Variants in GRID2 observed in about 807,000 individuals in gnomAD.
The protein encoded by GRID2 is glutamate receptor ionotropic, delta-2.
A neutral mutation model predicts 114.8 loss-of-function variants in GRID2; 33 were observed. That is an observed-to-expected ratio of 0.29 (90% CI 0.22 to 0.38). The LOEUF is 0.38. Ranked by LOEUF, GRID2 falls within the 10% of genes least tolerant of loss-of-function variation. The probability of loss-of-function intolerance (pLI) is 1.00; values close to 1 mark genes in which losing one functional copy is unlikely to be tolerated. For synonymous variants in GRID2, 505 were observed against 449.9 expected (o/e 1.12, Z -1.55); for missense variants, 1,184 against 1,257.7 (o/e 0.94, Z 0.89).
intron 10 of GRID2, among the ~76,000 whole-genome samples, chr4:93,436,549 G>A (rs1721103799): frequency 1.3e-5 from 2 of 152,012 alleles, no homozygotes; most frequent in African/African-American, 2.4e-5. Flanking sequence ...AGAGGAAGGG[G>A]AAGTAGATAC....
chr4:92,794,512 C>T (rs528943259), intron 2 of GRID2, among the ~76,000 whole-genome samples: 2 of 151,914 alleles, frequency 1.3e-5, no homozygotes, highest in East Asian at 2.0e-4. Flanking sequence ...CATGGTTTCT[C>T]ACTTAAAATC....
intron 1 of GRID2, among the ~76,000 whole-genome samples, chr4:92,305,473 G>A (rs576657650): frequency 8.4e-4 from 128 of 152,286 alleles, no homozygotes; most frequent in African/African-American, 3.0e-3. Context: ...ACGCGGGGAA[G>A]CGAATGCGCG....
chr4:93,503,874 A>G (rs1301719669), intron 12 of GRID2, among the ~76,000 whole-genome samples: 1 of 152,092 alleles, frequency 6.6e-6, no homozygotes, highest in African/African-American at 2.4e-5. Flanking sequence ...GACCTACTGG[A>G]CTGAGAAGAG....
At chr4:93,748,981 C>T (rs1732083888) in intron 14 of GRID2, among the ~76,000 whole-genome samples, 1 of 150,682 alleles carries the variant, frequency 6.6e-6, no homozygotes, top group African/African-American at 2.4e-5. Flanking sequence ...TATTCTTCCA[C>T]TACAGTCACA....
At chr4:92,416,225 G>T (rs1731611712) in intron 1 of GRID2, among the ~76,000 whole-genome samples, 1 of 152,030 alleles carries the variant, frequency 6.6e-6, no homozygotes. Flanking sequence ...ATCTGCTCAT[G>T]TCATTTTCCC....
intron 1 of GRID2, among the ~76,000 whole-genome samples, chr4:92,456,149 G>C (rs1721202198): frequency 7.0e-6 from 1 of 143,576 alleles, no homozygotes; most frequent in African/African-American, 2.7e-5. Flanking sequence ...AACTTTTTTG[G>C]CAGCTTTCCC....
chr4:93,601,776 G>A (rs1739708506), intron 13 of GRID2, among the ~76,000 whole-genome samples: 2 of 151,688 alleles, frequency 1.3e-5, no homozygotes, highest in Admixed American at 6.6e-5. Flanking sequence ...TTTCCACATT[G>A]ATGAGAAAAA....
At chr4:93,327,165 A>G (rs1560503103) in intron 8 of GRID2, among the ~76,000 whole-genome samples, 5 of 152,156 alleles carry the variant, frequency 3.3e-5, no homozygotes, top group Non-Finnish European at 7.4e-5. Context: ...TCATCTTTAT[A>G]TGCTGGTGAC....
intron 2 of GRID2, among the ~76,000 whole-genome samples, chr4:92,610,143 G>A (rs1729648912): frequency 2.0e-5 from 3 of 151,542 alleles, no homozygotes. Context: ...CAACTTCCAA[G>A]TCATTCCAAC....
intron 10 of GRID2, among the ~76,000 whole-genome samples, chr4:93,448,831 C>T: frequency 6.3e-5 from 1 of 15,894 alleles, no homozygotes; most frequent in Non-Finnish European, 1.2e-4. Flanking sequence ...CTTCCCTTCC[C>T]TTCCCTTCCC....
chr4:93,553,771 C>T (rs1039857348), intron 13 of GRID2, among the ~76,000 whole-genome samples: 3 of 152,072 alleles, frequency 2.0e-5, no homozygotes, highest in Non-Finnish European at 2.9e-5. Flanking sequence ...AAAAGAAAAT[C>T]GGAAATTAGT....
At chr4:93,291,515 G>A (rs1025262739) in intron 8 of GRID2, among the ~76,000 whole-genome samples, 3 of 151,382 alleles carry the variant, frequency 2.0e-5, no homozygotes, top group Admixed American at 2.0e-4. Flanking sequence ...TCCAAAACTA[G>A]GTTCAAAAAG....
At chr4:93,750,128 G>C (rs920633905) in intron 14 of GRID2, among the ~76,000 whole-genome samples, 9 of 152,188 alleles carry the variant, frequency 5.9e-5, no homozygotes, top group African/African-American at 2.2e-4. Flanking sequence ...TGGTGCTACA[G>C]AACACACAAA....
At chr4:92,800,660 A>G (rs1740107403) in intron 2 of GRID2, among the ~76,000 whole-genome samples, 1 of 152,010 alleles carries the variant, frequency 6.6e-6, no homozygotes, top group Non-Finnish European at 1.5e-5. Flanking sequence ...AGTGTAAAGC[A>G]TAATAGGACG....
chr4:92,750,186 G>T (rs924387033), intron 2 of GRID2, among the ~76,000 whole-genome samples: 6 of 152,070 alleles, frequency 3.9e-5, no homozygotes, highest in Admixed American at 3.9e-4. Context: ...CTAACACTTT[G>T]CACCAACCAA....
rs549204339 is a variant in GRID2 at position 93,120,200 on chromosome 4, A to G, written c.735+9247A>G. Among the ~76,000 whole-genome samples the G allele has an allele frequency of 5.8e-4, 89 of 152,276 alleles. 1 individual carries two copies. The highest frequency in any genetic ancestry group is 1.9e-3 in the African/African-American group (79 of 41,558). On this transcript the variant is annotated intron_variant, in intron 4 of 15. Coordinates refer to ENST00000282020, the MANE Select transcript of GRID2 (RefSeq NM_001510.4). ...AAGACAGTGTGGTGATTCCTCAAGGATCTAGAACCAGAAATACCATTTGAC... is the reference window on the plus strand; with the variant it reads ...AAGACAGTGTGGTGATTCCTCAAGGGTCTAGAACCAGAAATACCATTTGAC...
At chr4:92,930,461 C>T (rs1750140144) in intron 2 of GRID2, among the ~76,000 whole-genome samples, 1 of 151,036 alleles carries the variant, frequency 6.6e-6, no homozygotes, top group Admixed American at 6.6e-5. Context: ...AATATACTTG[C>T]TATACTACCT....
chr4:93,446,384 C>G (rs1294627099), intron 10 of GRID2, among the ~76,000 whole-genome samples: 1 of 151,960 alleles, frequency 6.6e-6, no homozygotes, highest in Non-Finnish European at 1.5e-5. Flanking sequence ...AAGAGCTGAA[C>G]AGTACATTGC....
intron 8 of GRID2, among the ~76,000 whole-genome samples, chr4:93,324,641 A>G (rs977762216): frequency 3.9e-5 from 6 of 152,180 alleles, no homozygotes; most frequent in Non-Finnish European, 8.8e-5. Flanking sequence ...CTCTGGTAGC[A>G]TTCGGCTGTG....
Sources: gnomAD v4.1 joint callset for allele counts (sites outside exome capture counted in the v4.1 genomes callset) on GRCh38, gnomAD v4.1.1 for gene constraint, MANE v1.5 for transcripts, NCBI Gene and HGNC (gene_info 2026-07-23, HGNC 2026-07-21) for gene names.